The following ARHGEF7 variants were observed in gnomAD, a reference collection of about 807,000 sequenced individuals.
ARHGEF7 encodes Rho guanine nucleotide exchange factor 7.
Under a neutral mutation model 109.8 loss-of-function variants are expected in ARHGEF7, and 33 were observed. That is an observed-to-expected ratio of 0.30 (90% CI 0.23 to 0.40). The LOEUF is 0.40. Ranked by LOEUF, ARHGEF7 falls within the 10% of genes least tolerant of loss-of-function variation. The pLI is 1.00. For synonymous variants in ARHGEF7, 458 were observed against 424.6 expected (o/e 1.08, Z -0.97); for missense variants, 938 against 1,098.5 (o/e 0.85, Z 2.07).
chr13:111,193,224 C>A (rs1482495709), intron 2 of ARHGEF7, among the ~76,000 whole-genome samples: 1 of 152,170 alleles, frequency 6.6e-6, no homozygotes, highest in Non-Finnish European at 1.5e-5. Flanking sequence ...ACAACTATGC[C>A]CCCGTGAAAG....
chr13:111,221,978 G>C (rs1332087270), intron 5 of ARHGEF7, among the ~76,000 whole-genome samples: 1 of 152,102 alleles, frequency 6.6e-6, no homozygotes, highest in African/African-American at 2.4e-5. Flanking sequence ...AAAGATGTAG[G>C]CTGGGAGGCT....
intron 2 of ARHGEF7, among the ~76,000 whole-genome samples, chr13:111,194,136 G>A (rs1157564979): frequency 6.6e-6 from 1 of 152,162 alleles, no homozygotes; most frequent in Admixed American, 6.5e-5. Flanking sequence ...CTACTACATC[G>A]ATTTCCTTAG....
intron 5 of ARHGEF7, among the ~76,000 whole-genome samples, chr13:111,232,281 C>T (rs975088294): frequency 3.9e-5 from 6 of 152,074 alleles, no homozygotes; most frequent in African/African-American, 1.4e-4. Flanking sequence ...CATACACTGT[C>T]TGCAGAACTA....
intron 6 of ARHGEF7, among the ~76,000 whole-genome samples, chr13:111,235,639 C>G (rs2086700353): frequency 1.3e-5 from 2 of 152,172 alleles, no homozygotes; most frequent in African/African-American, 4.8e-5. Context: ...GCAGAGAAAA[C>G]AGAAGCTAAA....
At chr13:111,133,801 ATATATATAT>A (rs2074938424) in intron 1 of ARHGEF7, among the ~76,000 whole-genome samples, 2 of 33,654 alleles carry the variant, frequency 5.9e-5, no homozygotes, top group East Asian at 9.5e-4. Flanking sequence ...ATATATATAT[ATATATATAT>A]ATATTTATTA....
intron 8 of ARHGEF7, among the ~76,000 whole-genome samples, chr13:111,247,906 T>C (rs753627964): frequency 5.9e-5 from 9 of 152,246 alleles, no homozygotes; most frequent in Non-Finnish European, 1.3e-4. Context: ...GCTTTCTTCC[T>C]TGGGGCCTCG....
At chr13:111,135,407 C>T (rs887611311) in intron 1 of ARHGEF7, among the ~76,000 whole-genome samples, 18 of 152,284 alleles carry the variant, frequency 1.2e-4, no homozygotes, top group Admixed American at 9.8e-4. Flanking sequence ...GCCATTTTCA[C>T]AATATTGATT....
chr13:111,218,029 C>A, intron 5 of ARHGEF7, 149 bp downstream of exon 5: 1 of 775,886 alleles, frequency 1.3e-6, no homozygotes, highest in Non-Finnish European at 1.9e-6. Context: ...TGGATTTTCA[C>A]CTCAGCCCCA....
intron 16 of ARHGEF7, among the ~76,000 whole-genome samples, chr13:111,283,624 G>T (rs905942171): frequency 4.6e-5 from 7 of 152,234 alleles, no homozygotes; most frequent in Admixed American, 2.6e-4. Context: ...TGCCGGAGGA[G>T]TGTGCCGCCA....
At chr13:111,288,946 T>C (rs989895878) in intron 18 of ARHGEF7, among the ~76,000 whole-genome samples, 3 of 152,226 alleles carry the variant, frequency 2.0e-5, no homozygotes, top group African/African-American at 7.2e-5. Context: ...TTACAACTAA[T>C]TTATTCAGCA....
At chr13:111,176,445 G>A (rs1284796032) in intron 2 of ARHGEF7, among the ~76,000 whole-genome samples, 3 of 152,146 alleles carry the variant, frequency 2.0e-5, no homozygotes, top group African/African-American at 4.8e-5. Context: ...TTAGATGGCC[G>A]GCCCCTGGAA....
At chr13:111,221,330 T>A (rs372601817) in intron 5 of ARHGEF7, among the ~76,000 whole-genome samples, 3,990 of 8,762 alleles carry the variant, frequency 0.46, 1,803 homozygotes, top group East Asian at 0.84. Context: ...GATATATATG[T>A]CTATATATAT....
intron 11 of ARHGEF7, among the ~76,000 whole-genome samples, chr13:111,275,287 A>G (rs1263775880): frequency 1.3e-5 from 2 of 151,990 alleles, no homozygotes; most frequent in African/African-American, 4.8e-5. Flanking sequence ...AATGTGCTCT[A>G]TCTTTCTAAA....
At chr13:111,250,469 C>T (rs760369320) in intron 8 of ARHGEF7, among the ~76,000 whole-genome samples, 12 of 152,148 alleles carry the variant, frequency 7.9e-5, no homozygotes, top group Middle Eastern at 3.2e-3. Context: ...GACCTTCTTA[C>T]GAAAGAAATC....
At chr13:111,256,791 G>A (rs1425948974) in intron 8 of ARHGEF7, among the ~76,000 whole-genome samples, 1 of 152,176 alleles carries the variant, frequency 6.6e-6, no homozygotes, top group Non-Finnish European at 1.5e-5. Flanking sequence ...AGGTCTTGTG[G>A]GTTTTCATGG....
Position 111,131,009 on chromosome 13 carries a change from C to A in ARHGEF7, c.165+15318C>A, listed in dbSNP as rs1278276496. Among the ~76,000 whole-genome samples the A allele has an allele frequency of 6.6e-6, 1 of 152,196 alleles. No individual in the cohort carries two copies. The highest frequency in any genetic ancestry group is 1.5e-5 in the Non-Finnish European group (1 of 68,026). ...ACAGGCAGAGCCAGGCAGCACAGGG[C>A]TGGTGGGCCCTTAGTTTGCAAAGGT... On this transcript the variant is annotated intron_variant, in intron 1 of 21. Transcript: ENST00000646102. This position sits in a 1 kb window ranked among gnomAD's most constrained non-coding sequence, Gnocchi z 4.4.
At chr13:111,229,623 C>T (rs2085744640) in intron 5 of ARHGEF7, among the ~76,000 whole-genome samples, 1 of 152,206 alleles carries the variant, frequency 6.6e-6, no homozygotes, top group South Asian at 2.1e-4. Flanking sequence ...CTCACACCCT[C>T]CTGGTAGCTC....
chr13:111,278,516 C>T lies in ARHGEF7; in HGVS notation c.1506+843C>T, dbSNP rs536400210. ...CAGACACTATGCCCTCACAGAGGCT[C>T]TGCCGACACCCAGAGAGGACTTGTG... is the stretch of plus-strand genomic sequence containing the variant. On this transcript the variant is annotated intron_variant, in intron 13 of 21. Transcript: ENST00000646102. Among the ~76,000 whole-genome samples, 4 of 152,332 alleles carry T rather than the reference C, an allele frequency of 2.6e-5. No homozygotes were observed. The Middle Eastern group carries it at 0.014, about 518-fold the overall frequency.
rs2092253829 is a variant in ARHGEF7, at chr13:111,272,765, G to A, written c.1074-1049G>A. 6.6e-6 allele frequency among the ~76,000 whole-genome samples: 1 copy of A among 152,176 alleles called. No homozygotes were observed. The highest frequency in any genetic ancestry group is 2.1e-4 in the South Asian group (1 of 4,826). On this transcript the variant is annotated intron_variant, in intron 9 of 21. Transcript: ENST00000646102. The surrounding 1 kb of genome is among the most constrained non-coding windows in gnomAD (Gnocchi z 5.2). ...TTCTGTGGGCTGTACACTGTCAGAT[G>A]TGTGGACTGATGGCACATGCAATTT...
Sources: gnomAD v4.1 joint callset for allele counts (sites outside exome capture counted in the v4.1 genomes callset) on GRCh38, gnomAD v4.1.1 for gene constraint, Gnocchi (gnomAD v3.1) non-coding constraint, MANE v1.5 for transcripts, NCBI Gene and HGNC (gene_info 2026-07-23, HGNC 2026-07-21) for gene names.